FUT8: variants seen among roughly 807,000 people sequenced by gnomAD.
The protein encoded by FUT8 is fucosyltransferase 8, also known as alpha-(1,6)-fucosyltransferase.
In FUT8, 29 loss-of-function variants were observed where a neutral mutation model predicts 71.3. The ratio of observed to expected loss-of-function variants is 0.41; its 90% CI spans 0.30 to 0.55. The LOEUF (loss-of-function observed/expected upper bound fraction) is 0.55, where lower values mean the gene tolerates loss of function less well. Ranked by LOEUF, FUT8 falls within the 20% of genes least tolerant of loss-of-function variation. The pLI is 0.34. For synonymous variants in FUT8, 254 were observed against 239.3 expected, an observed-to-expected ratio of 1.06 and a Z score of -0.57; for missense variants, 544 against 702.1, an observed-to-expected ratio of 0.77 and a Z score of 2.55.
At chr14:65,701,335 G>A (rs752129446) in intron 7 of FUT8, among the ~76,000 whole-genome samples, 12 of 152,178 alleles carry the variant, frequency 7.9e-5, no homozygotes, top group Non-Finnish European at 1.3e-4. Flanking sequence ...TTTAATGGTT[G>A]GAAGTAAGTG....
intron 8 of FUT8, 55 bp from the exon 9 acceptor site, chr14:65,724,092 C>A: frequency 2.2e-6 from 3 of 1,337,870 alleles, no homozygotes; most frequent in Non-Finnish European, 3.0e-6. Context: ...AATTGAGTAC[C>A]CTCAAAGCAC....
intron 2 of FUT8, among the ~76,000 whole-genome samples, chr14:65,546,420 A>G (rs1472815303): frequency 1.3e-5 from 2 of 151,820 alleles, no homozygotes; most frequent in East Asian, 1.9e-4. Context: ...AGAGTCATAC[A>G]GTGTGTATTT....
At chr14:65,633,309 G>A (rs1348785489) in intron 6 of FUT8, among the ~76,000 whole-genome samples, 1 of 152,148 alleles carries the variant, frequency 6.6e-6, no homozygotes, top group Admixed American at 6.5e-5. Context: ...ACGGAGTCTC[G>A]TTCACTCAGT....
At chr14:65,693,233 A>G (rs1792607124) in intron 7 of FUT8, among the ~76,000 whole-genome samples, 1 of 152,242 alleles carries the variant, frequency 6.6e-6, no homozygotes, top group Non-Finnish European at 1.5e-5. Context: ...CACTGAGTGA[A>G]CGAGACTCCG....
chr14:65,687,981 G>A (rs949359836), intron 7 of FUT8, among the ~76,000 whole-genome samples: 11 of 152,160 alleles, frequency 7.2e-5, no homozygotes, highest in Non-Finnish European at 1.3e-4. Context: ...TCTTTTGCCT[G>A]GGTTTCCCAG....
intron 2 of FUT8, among the ~76,000 whole-genome samples, chr14:65,528,644 G>A (rs946775608): frequency 6.6e-6 from 1 of 152,156 alleles, no homozygotes; most frequent in Non-Finnish European, 1.5e-5. Flanking sequence ...CGTCGCTCAG[G>A]CTGGGAGCTA....
At chr14:65,584,777 T>A (rs1262280250) in intron 3 of FUT8, among the ~76,000 whole-genome samples, 22 of 152,326 alleles carry the variant, frequency 1.4e-4, no homozygotes, top group Non-Finnish European at 1.5e-5. Context: ...TTGCCTTAGG[T>A]TCTTCTTTGT....
At chr14:65,430,176 C>G (rs1274615465) in intron 1 of FUT8, 1 of 151,506 alleles carries the variant, frequency 6.6e-6, no homozygotes, top group African/African-American at 2.4e-5. Flanking sequence ...CATACCACCA[C>G]GCCCAGCTAA....
the FUT8 span, among the ~76,000 whole-genome samples, chr14:65,363,306 GAGATGGGGTTTCA>G: frequency 2.0e-5 from 1 of 49,564 alleles, no homozygotes; most frequent in Non-Finnish European, 8.9e-5. Context: ...ATTTTTAGTA[GAGATGGGGTTTCA>G]CCCTGTTGGT....
intron 2 of FUT8, among the ~76,000 whole-genome samples, chr14:65,509,602 T>C (rs533931207): frequency 1.3e-5 from 2 of 152,256 alleles, no homozygotes; most frequent in South Asian, 2.1e-4. Context: ...CTTTCATCAA[T>C]ATAGTATAGT....
At chr14:65,389,368 C>G in the FUT8 span, among the ~76,000 whole-genome samples, 1 of 147,196 alleles carries the variant, frequency 6.8e-6, no homozygotes, top group Non-Finnish European at 1.5e-5. Flanking sequence ...TGCCACCACA[C>G]CCTGATATTT....
chr14:65,705,122 T>C (rs1472954145), intron 7 of FUT8, among the ~76,000 whole-genome samples: 2 of 152,154 alleles, frequency 1.3e-5, no homozygotes. Flanking sequence ...AAGTTGACAG[T>C]AATAATAGTC....
At chr14:65,592,810 C>A (rs1203591013) in intron 3 of FUT8, among the ~76,000 whole-genome samples, 1 of 152,082 alleles carries the variant, frequency 6.6e-6, no homozygotes, top group Non-Finnish European at 1.5e-5. Flanking sequence ...GTATTTCTGT[C>A]TTTTGTGGAA....
At chr14:65,364,207 T>C in the FUT8 span, among the ~76,000 whole-genome samples, 68 of 151,476 alleles carry the variant, frequency 4.5e-4, no homozygotes, top group Non-Finnish European at 9.0e-4. Context: ...AAAACCATTT[T>C]TTTTTGTTTT....
intron 1 of FUT8, among the ~76,000 whole-genome samples, chr14:65,435,733 T>G (rs2065545675): frequency 1.3e-5 from 2 of 152,050 alleles, no homozygotes; most frequent in Non-Finnish European, 2.9e-5. Context: ...CAACGATGTT[T>G]GAGAGTTCCA....
intron 2 of FUT8, chr14:65,471,173 C>T (rs1158543145): frequency 1.5e-5 from 4 of 266,338 alleles, no homozygotes; most frequent in Non-Finnish European, 3.0e-5. Flanking sequence ...CTTTCCCCCT[C>T]ATCCCTCTGC....
At chr14:65,401,890 C>T in the FUT8 span, among the ~76,000 whole-genome samples, 1 of 112,752 alleles carries the variant, frequency 8.9e-6, no homozygotes, top group Non-Finnish European at 1.8e-5. Context: ...GAGTGAGACC[C>T]TGTCTAAAAA....
rs1439760837 is a variant in FUT8 at position 65,603,821 on chromosome 14, C to T, written c.204-12157C>T. The stretch of plus-strand genomic sequence containing the variant: ...GCTCCACTTAAAAGGTACAGAATTG[C>T]AGAATGGATTCGAATTCACAAACCA... On this transcript the variant is annotated intron_variant, in intron 3 of 10. Coordinates refer to ENST00000673929, the MANE Select transcript of FUT8 (RefSeq NM_001371533.1). The surrounding 1 kb of genome is among the most constrained non-coding windows in gnomAD (Gnocchi z 4.5). Among the ~76,000 whole-genome samples the T allele has an allele frequency of 6.6e-6, 1 of 151,718 alleles. No individual in the cohort carries two copies. Among genetic ancestry groups the T allele is most frequent in the African/African-American group, 2.4e-5 (1 of 41,360 alleles).
At chr14:65,538,591 A>G (rs560464036) in intron 2 of FUT8, among the ~76,000 whole-genome samples, 2 of 152,080 alleles carry the variant, frequency 1.3e-5, no homozygotes, top group Non-Finnish European at 2.9e-5. Context: ...AGACCCCACC[A>G]TATCCCTGGA....
Sources: allele counts gnomAD v4.1 joint callset (sites outside exome capture counted in the v4.1 genomes callset), GRCh38; gene constraint gnomAD v4.1.1; non-coding constraint Gnocchi (gnomAD v3.1); transcripts MANE v1.5; gene names NCBI Gene and HGNC (gene_info 2026-07-23, HGNC 2026-07-21).